FSTL4: variants seen among roughly 807,000 people sequenced by gnomAD.
FSTL4 encodes follistatin-related protein 4.
FSTL4 carries 28 observed loss-of-function variants against 78.2 expected under a neutral mutation model. The ratio of observed to expected loss-of-function variants is 0.36; its 90% CI spans 0.27 to 0.49. The LOEUF (loss-of-function observed/expected upper bound fraction) is 0.49, where lower values mean the gene tolerates loss of function less well. FSTL4 is among the 20% of genes least tolerant of loss of function. The pLI is 0.98. For synonymous variants in FSTL4, 422 were observed against 440.5 expected (o/e 0.96, Z 0.53); for missense variants, 922 against 1,084.9 (o/e 0.85, Z 2.11).
At position 133,524,695 on chromosome 5, in the gene FSTL4, G is replaced by A. The variant is rs1214673474; in HGVS notation, c.160+42491C>T. On this transcript the variant is annotated intron_variant, in intron 3 of 15. Transcript: ENST00000265342. ...CACCCCCCACCCCGCCCCTGGGTGG[G>A]TTGTACAATACTGCAGTGATTCAAA... Among the ~76,000 whole-genome samples the A allele has an allele frequency of 2.0e-5, 3 of 152,202 alleles. No homozygotes were observed. The East Asian group carries it at 5.8e-4, about 29-fold the overall frequency.
chr5:133,468,356 G>T (rs1757755248), intron 3 of FSTL4, among the ~76,000 whole-genome samples: 1 of 152,238 alleles, frequency 6.6e-6, no homozygotes, highest in Admixed American at 6.5e-5. Context: ...CACAGTCCAG[G>T]ATGGGTGGGA....
intron 4 of FSTL4, among the ~76,000 whole-genome samples, chr5:133,322,562 T>C (rs1754097924): frequency 6.6e-6 from 1 of 152,122 alleles, no homozygotes; most frequent in Non-Finnish European, 1.5e-5. Context: ...GTTGCCGCCG[T>C]GGGCAATGGG....
At chr5:133,829,491 A>G in the FSTL4 span, among the ~76,000 whole-genome samples, 2 of 152,198 alleles carry the variant, frequency 1.3e-5, no homozygotes, top group Non-Finnish European at 2.9e-5. Flanking sequence ...TCTCCCATTC[A>G]TTTATTCAGC....
intron 1 of FSTL4, among the ~76,000 whole-genome samples, chr5:133,610,484 C>T (rs1761066738): frequency 6.6e-6 from 1 of 152,206 alleles, no homozygotes; most frequent in Non-Finnish European, 1.5e-5. Context: ...GAACATTTAG[C>T]AGAGTATGGC....
Position 133,261,412 on chromosome 5 carries a change from A to AC in FSTL4, c.728-11837dup, listed in dbSNP as rs1296407687. ...CCTAAGACATCCCCCAAATGGATGG[A>AC]CCCCCCTCTTAGCCGAGAAGACCCC... On this transcript the variant is annotated intron_variant, in intron 6 of 15. Coordinates refer to ENST00000265342, the MANE Select transcript of FSTL4 (RefSeq NM_015082.2). Among the ~76,000 whole-genome samples the AC allele has an allele frequency of 3.2e-4, 48 of 151,914 alleles. 1 individual carries two copies. Among genetic ancestry groups the AC allele is most frequent in the Admixed American group, 3.9e-4 (6 of 15,250 alleles).
intron 6 of FSTL4, among the ~76,000 whole-genome samples, chr5:133,296,493 G>C (rs1198812617): frequency 1.3e-5 from 2 of 152,150 alleles, no homozygotes; most frequent in African/African-American, 4.8e-5. Flanking sequence ...GGGGCCCCCA[G>C]GACCTTTGAC....
chr5:133,352,237 CATATATATAT>C (rs566897277), intron 4 of FSTL4, among the ~76,000 whole-genome samples: 8 of 143,258 alleles, frequency 5.6e-5, no homozygotes, highest in African/African-American at 1.0e-4. Context: ...TTCTCACACA[CATATATATAT>C]ACACACATAT....
At chr5:133,524,423 A>AAG (rs1759047522) in intron 3 of FSTL4, among the ~76,000 whole-genome samples, 5 of 152,178 alleles carry the variant, frequency 3.3e-5, no homozygotes, top group Admixed American at 6.5e-5. Flanking sequence ...AGCCTCTGGC[A>AAG]ATGCAAGAAG....
chr5:133,694,282 A>T, the FSTL4 span, among the ~76,000 whole-genome samples: 1 of 152,224 alleles, frequency 6.6e-6, no homozygotes, highest in Non-Finnish European at 1.5e-5. Context: ...AGTGGGCCCC[A>T]TCTGTGAGTG....
At chr5:133,631,214 C>T in the FSTL4 span, among the ~76,000 whole-genome samples, 2 of 151,926 alleles carry the variant, frequency 1.3e-5, no homozygotes, top group African/African-American at 4.8e-5. Context: ...AACAGGCAAC[C>T]TACAGAATGG....
the FSTL4 span, among the ~76,000 whole-genome samples, chr5:133,781,294 G>T: frequency 2.0e-5 from 3 of 151,804 alleles, no homozygotes; most frequent in Non-Finnish European, 1.5e-5. Context: ...ACATTCAGCT[G>T]CCCCTGCCTA....
At chr5:133,458,112 T>C (rs1757527435) in intron 3 of FSTL4, 1 of 152,232 alleles carries the variant, frequency 6.6e-6, no homozygotes, top group African/African-American at 2.4e-5. Context: ...ATAATCAGCT[T>C]TTGCGGCAAA....
At chr5:133,617,298 CAAAAAA>C (rs145317097), upstream of FSTL4, among the ~76,000 whole-genome samples, 6 of 61,916 alleles carry the variant, frequency 9.7e-5, no homozygotes, top group African/African-American at 3.7e-4. Context: ...GACTCCATCT[CAAAAAA>C]AAAAAAAAAA....
chr5:133,235,788 G>C (rs543995841), intron 7 of FSTL4, among the ~76,000 whole-genome samples: 4 of 152,190 alleles, frequency 2.6e-5, no homozygotes, highest in Non-Finnish European at 5.9e-5. Context: ...ACACCAGATA[G>C]CTGATTTGTC....
intron 3 of FSTL4, among the ~76,000 whole-genome samples, chr5:133,424,611 C>G (rs866674870): frequency 6.6e-6 from 1 of 152,156 alleles, no homozygotes; most frequent in Non-Finnish European, 1.5e-5. Context: ...TACAGGAATA[C>G]GTGATGGTGT....
chr5:133,329,153 G>A (rs1196939187), intron 4 of FSTL4, among the ~76,000 whole-genome samples: 1 of 152,170 alleles, frequency 6.6e-6, no homozygotes, highest in African/African-American at 2.4e-5. Flanking sequence ...TGGACTCATC[G>A]CACATGCAAG....
intron 2 of FSTL4, among the ~76,000 whole-genome samples, chr5:133,580,107 C>T (rs1185330947): frequency 6.6e-6 from 1 of 152,320 alleles, no homozygotes; most frequent in South Asian, 2.1e-4. Flanking sequence ...CAGAAACTGT[C>T]ATCTGACACA....
intron 3 of FSTL4, among the ~76,000 whole-genome samples, chr5:133,421,731 T>A (rs1227592097): frequency 6.6e-6 from 1 of 152,238 alleles, no homozygotes; most frequent in Non-Finnish European, 1.5e-5. Flanking sequence ...ACACAAAGAT[T>A]GGCAGCAAGC....
the FSTL4 span, among the ~76,000 whole-genome samples, chr5:133,664,478 G>T: frequency 1.3e-5 from 2 of 152,168 alleles, no homozygotes; most frequent in Admixed American, 1.3e-4. Context: ...CTGGCACGAG[G>T]TGAGTCAGAA....
Sources: gnomAD v4.1 joint callset for allele counts (sites outside exome capture counted in the v4.1 genomes callset) on GRCh38, gnomAD v4.1.1 for gene constraint, MANE v1.5 for transcripts, NCBI Gene and HGNC (gene_info 2026-07-23, HGNC 2026-07-21) for gene names.